The following ELOVL5 variants were observed in gnomAD, a reference collection of about 807,000 sequenced individuals.
ELOVL5 encodes the protein ELOVL fatty acid elongase 5, also known as very long chain fatty acid elongase 5.
ELOVL5 carries 8 observed loss-of-function variants against 38.6 expected under a neutral mutation model. The ratio of observed to expected loss-of-function variants is 0.21; its 90% confidence interval spans 0.12 to 0.37. ELOVL5 has a LOEUF of 0.37. Ranked by LOEUF, ELOVL5 falls within the 10% of genes least tolerant of loss-of-function variation. ELOVL5 has a pLI of 1.00. For missense variants in ELOVL5, 280 were observed against 367.8 expected (o/e 0.76, Z 1.95); for synonymous variants, 127 against 133.7 (o/e 0.95, Z 0.34).
chr6:53,308,266 G>A (rs1482795192), intron 1 of ELOVL5, among the ~76,000 whole-genome samples: 2 of 152,124 alleles, frequency 1.3e-5, no homozygotes, highest in African/African-American at 4.8e-5. Flanking sequence ...ATCTCAATCA[G>A]TGATAAAATT....
intron 1 of ELOVL5, among the ~76,000 whole-genome samples, chr6:53,346,192 G>A (rs540342237): frequency 1.1e-4 from 17 of 152,286 alleles, no homozygotes; most frequent in African/African-American, 3.9e-4. Flanking sequence ...TTAGTCTGCT[G>A]AGGATGATGG....
intron 1 of ELOVL5, among the ~76,000 whole-genome samples, chr6:53,335,450 T>A (rs1769014043): frequency 6.6e-6 from 1 of 152,186 alleles, no homozygotes; most frequent in Non-Finnish European, 1.5e-5. Context: ...ATTTCCTCAG[T>A]CCAGAGAGAT....
chr6:53,291,751 A>G (rs754405819), intron 3 of ELOVL5, 25 bp downstream of exon 3: 12 of 1,555,714 alleles, frequency 7.7e-6, no homozygotes, highest in Admixed American at 1.9e-5. Flanking sequence ...ATGTGAAAGG[A>G]AGACTGTGTT....
chr6:53,297,514 C>T (rs1255248758), intron 1 of ELOVL5, among the ~76,000 whole-genome samples: 3 of 152,204 alleles, frequency 2.0e-5, no homozygotes, highest in Admixed American at 1.3e-4. Context: ...GACACTTCTT[C>T]ACCCTTGAGT....
chr6:53,329,217 T>C (rs1204901360), intron 1 of ELOVL5, among the ~76,000 whole-genome samples: 3 of 152,182 alleles, frequency 2.0e-5, no homozygotes, highest in Non-Finnish European at 4.4e-5. Flanking sequence ...CTACTGCTAC[T>C]GCTACTACGA....
intron 2 of ELOVL5, chr6:53,294,600 A>G (rs1305361565): frequency 1.1e-5 from 15 of 1,378,494 alleles, no homozygotes; most frequent in Non-Finnish European, 1.4e-5. Context: ...GCTAATAATT[A>G]TTATTATTAT....
chr6:53,290,580 T>A (rs1262472111), intron 3 of ELOVL5: 1 of 152,210 alleles, frequency 6.6e-6, no homozygotes, highest in Non-Finnish European at 1.5e-5. Flanking sequence ...GTTGTAAGCA[T>A]TTCTTGGCAT....
intron 1 of ELOVL5, among the ~76,000 whole-genome samples, chr6:53,336,066 G>A (rs951698972): frequency 2.0e-5 from 3 of 152,100 alleles, no homozygotes; most frequent in Admixed American, 1.3e-4. Flanking sequence ...CATGTCCATC[G>A]CTGCAGCTGA....
intron 1 of ELOVL5, among the ~76,000 whole-genome samples, chr6:53,328,755 G>A (rs1237781300): frequency 9.1e-5 from 4 of 44,140 alleles, no homozygotes; most frequent in Non-Finnish European, 1.7e-4. Flanking sequence ...CAAAGAGAAA[G>A]GGATGAATTA....
chr6:53,297,095 T>C (rs138673754), intron 1 of ELOVL5, among the ~76,000 whole-genome samples: 8 of 152,266 alleles, frequency 5.3e-5, no homozygotes, highest in South Asian at 4.1e-4. Flanking sequence ...CCAAGGGTGA[T>C]TGGGGAGGCT....
chr6:53,348,742 C>T (rs1582012995), intron 1 of ELOVL5, 75 bp downstream of exon 1: 1 of 448,508 alleles, frequency 2.2e-6, no homozygotes, highest in East Asian at 7.2e-5. Context: ...TGACCGCTTC[C>T]CGGCCGCGCG....
intron 1 of ELOVL5, among the ~76,000 whole-genome samples, chr6:53,313,996 C>A (rs1033783456): frequency 2.0e-5 from 3 of 152,208 alleles, no homozygotes; most frequent in African/African-American, 7.2e-5. Flanking sequence ...TCTTCTGTAA[C>A]CCTCCTTGGA....
At position 53,270,595 on chromosome 6, in the gene ELOVL5, G is replaced by C; in HGVS notation, c.754C>G (p.Gln252Glu). 6.2e-7 allele frequency: 1 copy of C among 1,614,110 alleles called. No homozygotes were observed. The highest frequency in any genetic ancestry group is 1.1e-5 in the South Asian group (1 of 91,076). Residue 252 changes from glutamine to glutamate, a missense_variant and splice_region_variant, in exon 7 of 8, where the codon CAG (glutamine) becomes GAG (glutamate). Gln to Glu is a conservative substitution (Grantham distance 29, BLOSUM62 2). Transcript: ENST00000304434. ...LIALFTNFYI[Q>E]TYNKKGASRR... ...TCCCAGAGAAGGGTGAGATTTACCT[G>C]AATGTAGAAGTTTGTGAAGAGAGCA...
At chr6:53,293,725 C>T (rs1303619688) in intron 2 of ELOVL5, among the ~76,000 whole-genome samples, 1 of 152,192 alleles carries the variant, frequency 6.6e-6, no homozygotes, top group African/African-American at 2.4e-5. Flanking sequence ...CATATGTCCA[C>T]GTGGGGAACT....
intron 1 of ELOVL5, among the ~76,000 whole-genome samples, chr6:53,340,688 T>C (rs1769286725): frequency 1.3e-5 from 2 of 152,224 alleles, no homozygotes; most frequent in South Asian, 4.1e-4. Context: ...CTAGGAGCAA[T>C]GTGGTATATC....
rs569217349 is a variant in ELOVL5, at chr6:53,348,640, G to C, written c.-9+177C>G. On this transcript the variant is annotated intron_variant, in intron 1 of 7. Transcript: ENST00000304434. ...GCCCGAGGAGCCGGGCTGTACCCCG[G>C]AGCCGGCGGAGCTGGAGGCCGCGGG... is the stretch of plus-strand genomic sequence containing the variant. 1.7e-3 allele frequency among the ~76,000 whole-genome samples: 256 copies of C among 152,340 alleles called. 2 individuals are homozygous for C. Among genetic ancestry groups the C allele is most frequent in the African/African-American group, 5.9e-3 (246 of 41,590 alleles).
intron 1 of ELOVL5, among the ~76,000 whole-genome samples, chr6:53,329,540 T>A (rs1768695828): frequency 6.6e-6 from 1 of 152,190 alleles, no homozygotes; most frequent in Admixed American, 6.5e-5. Context: ...GAATACTATG[T>A]CGGTCAGGTG....
rs1765785567 is a variant in ELOVL5 at position 53,267,619 on chromosome 6, A to G, written c.*1508T>C. On this transcript the variant is annotated 3_prime_UTR_variant, in exon 8 of 8. Coordinates refer to ENST00000304434, the MANE Select transcript of ELOVL5 (RefSeq NM_021814.5). ...AAGGTAAATGTAAACAGATGCCATGACTCCTTTTCAAACAGAAAACCCACA... is the reference window on the plus strand; with the variant it reads ...AAGGTAAATGTAAACAGATGCCATGGCTCCTTTTCAAACAGAAAACCCACA... 6.6e-6 allele frequency: 1 copy of G among 152,592 alleles called. No homozygotes were observed. Among genetic ancestry groups the G allele is most frequent in the African/African-American group, 2.4e-5 (1 of 41,420 alleles). The allele number at this position is 152,592 out of a possible 1,614,324, so 9.5% of individuals were successfully genotyped here.
intron 1 of ELOVL5, among the ~76,000 whole-genome samples, chr6:53,304,484 T>C (rs1476986482): frequency 3.9e-5 from 6 of 152,004 alleles, no homozygotes; most frequent in African/African-American, 1.5e-4. Context: ...TTCTTGGGTG[T>C]TTCTCGCAGA....
Sources: allele counts gnomAD v4.1 joint callset (sites outside exome capture counted in the v4.1 genomes callset), GRCh38; gene constraint gnomAD v4.1.1; transcripts MANE v1.5; gene names NCBI Gene and HGNC (gene_info 2026-07-23, HGNC 2026-07-21).